The following DIP2B variants were observed in gnomAD, a reference collection of about 807,000 sequenced individuals.
DIP2B encodes the protein disco-interacting protein 2 homolog B.
DIP2B carries 76 observed loss-of-function variants against 198.0 expected under a neutral mutation model. The observed-to-expected ratio is 0.38, with a 90% CI of 0.32 to 0.46. The LOEUF (loss-of-function observed/expected upper bound fraction) is 0.46, where lower values mean the gene tolerates loss of function less well. Among genes scored for constraint, DIP2B ranks in the 20% least tolerant of loss-of-function variants. The pLI is 0.99. For missense variants in DIP2B, 1,559 were observed against 1,978.4 expected, an observed-to-expected ratio of 0.79 and a Z score of 4.02; for synonymous variants, 701 against 739.1, an observed-to-expected ratio of 0.95 and a Z score of 0.84.
intron 7 of DIP2B, among the ~76,000 whole-genome samples, chr12:50,678,204 A>T (rs892294194): frequency 6.6e-6 from 1 of 151,688 alleles, no homozygotes; most frequent in African/African-American, 2.4e-5. Flanking sequence ...TTTACAGATG[A>T]GGAAAGCCAA....
chr12:50,618,652 C>T (rs934703549), intron 1 of DIP2B, among the ~76,000 whole-genome samples: 1 of 152,192 alleles, frequency 6.6e-6, no homozygotes, highest in African/African-American at 2.4e-5. Context: ...GATCACAGCA[C>T]TTACTAGGTG....
intron 1 of DIP2B, among the ~76,000 whole-genome samples, chr12:50,593,731 CT>C: frequency 1.1e-3 from 5 of 4,650 alleles, no homozygotes; most frequent in Non-Finnish European, 9.9e-4. Flanking sequence ...CTCTCCTCTC[CT>C]CTCCTCTCCT....
At chr12:50,669,286 C>A (rs1308926341) in intron 4 of DIP2B, among the ~76,000 whole-genome samples, 1 of 152,294 alleles carries the variant, frequency 6.6e-6, no homozygotes, top group South Asian at 2.1e-4. Flanking sequence ...TGACATAGTT[C>A]CTGGCACATG....
chr12:50,646,719 G>A (rs1238033217), intron 3 of DIP2B, among the ~76,000 whole-genome samples: 1 of 152,080 alleles, frequency 6.6e-6, no homozygotes, highest in Non-Finnish European at 1.5e-5. Context: ...ACCATGCCCG[G>A]CCCAGTTATT....
chr12:50,623,415 ACACACACACACACACACACACACTCTCT>A (rs1937856029), intron 1 of DIP2B, among the ~76,000 whole-genome samples: 1 of 90,296 alleles, frequency 1.1e-5, no homozygotes, highest in African/African-American at 5.1e-5. Context: ...ACACACACAC[ACACACACACACACACACACACACTCTCT>A]CTCTCTCTCT....
At chr12:50,529,017 A>G (rs1025834945) in intron 1 of DIP2B, among the ~76,000 whole-genome samples, 3 of 152,198 alleles carry the variant, frequency 2.0e-5, no homozygotes, top group African/African-American at 7.2e-5. Flanking sequence ...GAAATGGGTA[A>G]GTTTCAAAAA....
chr12:50,727,068 A>G (rs1939950440), intron 28 of DIP2B, among the ~76,000 whole-genome samples: 1 of 152,182 alleles, frequency 6.6e-6, no homozygotes, highest in Admixed American at 6.5e-5. Flanking sequence ...CAGTGACCCG[A>G]GATCGAGCCA....
At position 50,723,260 on chromosome 12, in the gene DIP2B, C is replaced by A; in HGVS notation, c.3225C>A (p.Thr1075=). The change falls in exon 27 of 38, where the codon ACC becomes ACA. Residue 1075 remains threonine, a synonymous_variant. Coordinates refer to ENST00000301180, the MANE Select transcript of DIP2B (RefSeq NM_173602.3). ...TGTATGCGGGCTGTATACCTGTGAC[C>A]GTCAGACCTCCACATGCTCAGAACC... ...GCLYAGCIPV[T]VRPPHAQNLT... 1.2e-6 allele frequency: 2 copies of A among 1,614,142 alleles called. No homozygotes were observed. The highest frequency in any genetic ancestry group is 1.7e-6 in the Non-Finnish European group (2 of 1,180,036).
chr12:50,631,019 G>T (rs528570315), intron 2 of DIP2B, among the ~76,000 whole-genome samples: 3 of 151,896 alleles, frequency 2.0e-5, no homozygotes, highest in Middle Eastern at 3.2e-3. Flanking sequence ...ATTTTAGTAT[G>T]CCTTCAACTA....
intron 25 of DIP2B, among the ~76,000 whole-genome samples, 188 bp from the exon 26 acceptor site, chr12:50,721,085 A>G (rs562090260): frequency 3.1e-4 from 47 of 152,298 alleles, no homozygotes; most frequent in African/African-American, 1.0e-3. Context: ...CTAGCGTTAC[A>G]GGTTTGAGCC....
chr12:50,594,135 G>A (rs1958858922), intron 1 of DIP2B, among the ~76,000 whole-genome samples: 1 of 150,680 alleles, frequency 6.6e-6, no homozygotes, highest in Non-Finnish European at 1.5e-5. Flanking sequence ...GTAGAGGTGG[G>A]ATTTCACCCT....
At chr12:50,692,635 C>T (rs904467157) in intron 13 of DIP2B, among the ~76,000 whole-genome samples, 11 of 152,060 alleles carry the variant, frequency 7.2e-5, no homozygotes, top group African/African-American at 2.4e-4. Context: ...GTCAGGAGTT[C>T]AAGACCAGCC....
At chr12:50,683,095 G>A in intron 9 of DIP2B, 43 bp from the exon 10 acceptor site, 2 of 1,485,474 alleles carry the variant, frequency 1.3e-6, no homozygotes, top group Non-Finnish European at 9.3e-7. Context: ...GCATTAGTAT[G>A]TTTTTATTCC....
intron 2 of DIP2B, among the ~76,000 whole-genome samples, chr12:50,630,775 G>A (rs890066459): frequency 2.1e-5 from 3 of 144,644 alleles, no homozygotes; most frequent in Non-Finnish European, 4.5e-5. Context: ...CAGTTCAAGC[G>A]ATTATCCTGC....
At chr12:50,549,043 A>G (rs551862794) in intron 1 of DIP2B, among the ~76,000 whole-genome samples, 1 of 152,270 alleles carries the variant, frequency 6.6e-6, no homozygotes, top group African/African-American at 2.4e-5. Flanking sequence ...CACCTATGTG[A>G]CCTTTGAAAC....
intron 1 of DIP2B, among the ~76,000 whole-genome samples, chr12:50,603,560 G>T (rs1250427169): frequency 6.6e-6 from 1 of 152,022 alleles, no homozygotes; most frequent in African/African-American, 2.4e-5. Flanking sequence ...GCGACATGGT[G>T]AAATCCTACG....
intron 1 of DIP2B, among the ~76,000 whole-genome samples, chr12:50,563,670 A>G (rs1958539463): frequency 6.6e-6 from 1 of 150,536 alleles, no homozygotes; most frequent in African/African-American, 2.4e-5. Flanking sequence ...TAATTTTTAA[A>G]CTTTTTATGG....
At chr12:50,601,790 A>G (rs1028321949) in intron 1 of DIP2B, among the ~76,000 whole-genome samples, 10 of 151,166 alleles carry the variant, frequency 6.6e-5, no homozygotes, top group Non-Finnish European at 1.2e-4. Context: ...CTGGCTTTGT[A>G]TTTAACCTGT....
chr12:50,544,218 A>G (rs1181176507), intron 1 of DIP2B, among the ~76,000 whole-genome samples: 1 of 99,658 alleles, frequency 1.0e-5, no homozygotes, highest in East Asian at 2.1e-4. Context: ...GTGAGACTCC[A>G]TCTCAAAAAA....
Sources: gnomAD v4.1 joint callset for allele counts (sites outside exome capture counted in the v4.1 genomes callset) on GRCh38, gnomAD v4.1.1 for gene constraint, MANE v1.5 for transcripts, NCBI Gene and HGNC (gene_info 2026-07-23, HGNC 2026-07-21) for gene names.